The following CRPPA variants were observed in gnomAD, a reference collection of about 807,000 sequenced individuals.
CRPPA encodes the protein CDP-L-ribitol pyrophosphorylase A.
Under a neutral mutation model 52.0 loss-of-function variants are expected in CRPPA, and 43 were observed. The ratio of observed to expected loss-of-function variants is 0.83; its 90% CI spans 0.65 to 1.07. The LOEUF (loss-of-function observed/expected upper bound fraction) is 1.07, where lower values mean the gene tolerates loss of function less well. Ranked by LOEUF, CRPPA falls within the 50% of genes least tolerant of loss-of-function variation. CRPPA has a pLI of 0.00. For missense variants in CRPPA, 629 were observed against 551.7 expected (o/e 1.14, Z -1.40); for synonymous variants, 250 against 203.5 (o/e 1.23, Z -1.94).
intron 8 of CRPPA, among the ~76,000 whole-genome samples, chr7:16,234,921 A>T (rs1782904001): frequency 6.6e-6 from 1 of 152,130 alleles, no homozygotes; most frequent in African/African-American, 2.4e-5. Context: ...TGCAGGAAAC[A>T]CATCTAAGTC....
chr7:16,356,439 T>A (rs1291475468), intron 3 of CRPPA, among the ~76,000 whole-genome samples: 1 of 152,180 alleles, frequency 6.6e-6, no homozygotes, highest in East Asian at 1.9e-4. Context: ...TATCTGGTTT[T>A]CCTCTTTTTA....
At chr7:16,280,806 G>C (rs1455703236) in intron 5 of CRPPA, among the ~76,000 whole-genome samples, 4 of 152,156 alleles carry the variant, frequency 2.6e-5, no homozygotes, top group Non-Finnish European at 5.9e-5. Context: ...GATCACTTGA[G>C]GTCAGGAGTT....
intron 9 of CRPPA, among the ~76,000 whole-genome samples, chr7:16,112,277 T>G (rs1782281117): frequency 6.6e-6 from 1 of 152,066 alleles, no homozygotes; most frequent in Non-Finnish European, 1.5e-5. Context: ...ATTGTGCCAC[T>G]GCACTACATC....
At chr7:16,398,426 T>C (rs989519734) in intron 2 of CRPPA, among the ~76,000 whole-genome samples, 5 of 152,140 alleles carry the variant, frequency 3.3e-5, no homozygotes, top group Admixed American at 2.0e-4. Context: ...TCACACATGA[T>C]TGACGTGACC....
chr7:16,341,011 T>C (rs1785812427), intron 3 of CRPPA, among the ~76,000 whole-genome samples: 1 of 152,162 alleles, frequency 6.6e-6, no homozygotes, highest in African/African-American at 2.4e-5. Flanking sequence ...AAAGGTTATA[T>C]ACTGTGTGAT....
At chr7:16,206,777 T>C (rs535891604) in intron 9 of CRPPA, among the ~76,000 whole-genome samples, 87 of 152,224 alleles carry the variant, frequency 5.7e-4, no homozygotes, top group African/African-American at 2.1e-3. Context: ...GTGTGAAACA[T>C]CTGTGTTTTT....
At chr7:16,280,898 T>C (rs1784307242) in intron 5 of CRPPA, among the ~76,000 whole-genome samples, 1 of 152,050 alleles carries the variant, frequency 6.6e-6, no homozygotes, top group Non-Finnish European at 1.5e-5. Flanking sequence ...TGCACTCCTG[T>C]AGTCCCAGCT....
At chr7:16,107,329 T>C (rs1782176920) in intron 9 of CRPPA, among the ~76,000 whole-genome samples, 1 of 152,076 alleles carries the variant, frequency 6.6e-6, no homozygotes, top group African/African-American at 2.4e-5. Context: ...CATAATGAAC[T>C]ATCAAAATCA....
chr7:16,134,926 G>C (rs1037689442), intron 9 of CRPPA, among the ~76,000 whole-genome samples: 2 of 152,158 alleles, frequency 1.3e-5, no homozygotes, highest in African/African-American at 4.8e-5. Flanking sequence ...GAAAAATACA[G>C]AAACATTTTA....
chr7:16,243,080 A>G (rs975225758), intron 8 of CRPPA, among the ~76,000 whole-genome samples: 1 of 152,140 alleles, frequency 6.6e-6, no homozygotes, highest in Non-Finnish European at 1.5e-5. Flanking sequence ...GGGACCTATA[A>G]TCCTGATGTG....
intron 3 of CRPPA, among the ~76,000 whole-genome samples, chr7:16,351,034 C>A (rs1786137017): frequency 6.6e-6 from 1 of 152,020 alleles, no homozygotes; most frequent in Non-Finnish European, 1.5e-5. Context: ...GGGGACAATT[C>A]ATCAAAAAGG....
intron 1 of CRPPA, among the ~76,000 whole-genome samples, chr7:16,414,448 G>A (rs1339199738): frequency 6.6e-6 from 1 of 150,796 alleles, no homozygotes; most frequent in Non-Finnish European, 1.5e-5. Context: ...TTAGATTACT[G>A]GCAGGAATTT....
intron 1 of CRPPA, among the ~76,000 whole-genome samples, chr7:16,406,660 A>G (rs1405301077): frequency 2.0e-4 from 30 of 152,206 alleles, no homozygotes; most frequent in Admixed American, 2.0e-3. Context: ...ATTGTATGAA[A>G]AAATAGTCTA....
intron 9 of CRPPA, among the ~76,000 whole-genome samples, chr7:16,118,309 G>A (rs531950157): frequency 1.3e-5 from 2 of 152,186 alleles, no homozygotes; most frequent in Non-Finnish European, 2.9e-5. Flanking sequence ...TCACAGGGAA[G>A]AAAGCCAGCC....
chr7:16,282,512 A>G (rs929109468), intron 5 of CRPPA, among the ~76,000 whole-genome samples: 1 of 152,120 alleles, frequency 6.6e-6, no homozygotes, highest in Non-Finnish European at 1.5e-5. Flanking sequence ...AAGGGAGTAC[A>G]TGCACAGAAA....
At position 16,235,029 on chromosome 7, in the gene CRPPA, G is replaced by T. The variant is rs4118088; in HGVS notation, c.1120-18832C>A. Among the ~76,000 whole-genome samples, 308 of 152,134 alleles carry T rather than the reference G, an allele frequency of 2.0e-3. 2 individuals are homozygous for T. In the East Asian group the frequency reaches 0.028, roughly 14 times the overall value. On this transcript the variant is annotated intron_variant, in intron 8 of 9. Coordinates refer to ENST00000407010, the MANE Select transcript of CRPPA (RefSeq NM_001101426.4). Reference sequence around the variant, plus strand: ...TGAGAAAGACAGAACAGTAGAATTAGGGAAGAGCCAGACCAGGCCAAGGCT... The same window carrying T: ...TGAGAAAGACAGAACAGTAGAATTATGGAAGAGCCAGACCAGGCCAAGGCT...
intron 6 of CRPPA, among the ~76,000 whole-genome samples, chr7:16,264,229 T>C (rs977159275): frequency 6.6e-6 from 1 of 152,318 alleles, no homozygotes; most frequent in East Asian, 1.9e-4. Flanking sequence ...AGCATCATCA[T>C]ATGCTGTCAT....
At chr7:16,116,674 A>ATGG (rs1314645786) in intron 9 of CRPPA, among the ~76,000 whole-genome samples, 2 of 120,574 alleles carry the variant, frequency 1.7e-5, no homozygotes, top group Non-Finnish European at 3.7e-5. Context: ...AAAAAAAAAA[A>ATGG]AGGAAAGGAA....
chr7:16,395,689 C>T (rs1039670632), intron 2 of CRPPA, among the ~76,000 whole-genome samples: 23 of 152,306 alleles, frequency 1.5e-4, no homozygotes, highest in African/African-American at 5.5e-4. Flanking sequence ...GAGAGGCCTT[C>T]ATTTTACATT....
Sources: gnomAD v4.1 joint callset for allele counts (sites outside exome capture counted in the v4.1 genomes callset) on GRCh38, gnomAD v4.1.1 for gene constraint, MANE v1.5 for transcripts, NCBI Gene and HGNC (gene_info 2026-07-23, HGNC 2026-07-21) for gene names.